The following CLVS1 variants were observed in gnomAD, a reference collection of about 807,000 sequenced individuals.
CLVS1 encodes the protein clavesin 1.
In CLVS1, 10 loss-of-function variants were observed where a neutral mutation model predicts 33.1. The observed-to-expected ratio is 0.30, with a 90% confidence interval of 0.19 to 0.51. The LOEUF (loss-of-function observed/expected upper bound fraction) is 0.51, where lower values mean the gene tolerates loss of function less well. CLVS1 is among the 20% of genes least tolerant of loss of function. CLVS1 has a pLI of 0.97. For synonymous variants in CLVS1, 163 were observed against 166.1 expected, an observed-to-expected ratio of 0.98 and a Z score of 0.14; for missense variants, 343 against 433.4, an observed-to-expected ratio of 0.79 and a Z score of 1.85.
chr8:61,288,012 C>T lies in CLVS1; in HGVS notation c.-278C>T, dbSNP rs1053845703. Reference sequence around the variant, plus strand: ...CAGCCCCTTGTGGAGCCCGAGCTCTCATTCACAGCTTTCTAGAGAAATCTG... The same window carrying T: ...CAGCCCCTTGTGGAGCCCGAGCTCTTATTCACAGCTTTCTAGAGAAATCTG... On this transcript the variant is annotated 5_prime_UTR_variant, in exon 1 of 6. Transcript: ENST00000325897. 7 of 429,566 alleles carry T rather than the reference C, an allele frequency of 1.6e-5. No homozygotes were observed. The highest frequency in any genetic ancestry group is 2.8e-5 in the Non-Finnish European group (6 of 213,600). The allele number at this position is 429,566 out of a possible 1,614,324, so 26.6% of individuals were successfully genotyped here. A position where few individuals can be genotyped will look rare whatever the true frequency, so the allele number is the denominator to read the frequency against.
In CLVS1 at chr8:61,300,289, G is replaced by T. The variant is rs759899526; in HGVS notation, c.455+7G>T. Reference sequence around the variant, plus strand: ...CCAATTGGGATCAGAGTAGGTAAATGTAGATAGTGTCTTTACTTGGTTTTT... The same window carrying T: ...CCAATTGGGATCAGAGTAGGTAAATTTAGATAGTGTCTTTACTTGGTTTTT... On this transcript the variant is annotated splice_region_variant and intron_variant, in intron 2 of 5. Coordinates refer to ENST00000325897, the MANE Select transcript of CLVS1 (RefSeq NM_173519.3). 6 of 1,603,414 alleles carry T rather than the reference G, an allele frequency of 3.7e-6. No individual in the cohort carries two copies. In the South Asian group the frequency reaches 6.7e-5, roughly 18 times the overall value.
At chr8:61,107,758 A>G (rs1314662406) in intron 1 of CLVS1, among the ~76,000 whole-genome samples, 1 of 152,244 alleles carries the variant, frequency 6.6e-6, no homozygotes. Flanking sequence ...GAATTGAACT[A>G]AAATGTCACC....
In CLVS1 at chr8:61,377,883, A is replaced by G. The variant is rs193087218; in HGVS notation, c.630+1104A>G. On this transcript the variant is annotated intron_variant, in intron 3 of 5. Transcript: ENST00000325897. ...GTCCACATTGTTCCAGGGATGCCAC[A>G]TTGTCCTGGGTAGTGTATTTGGGGG... 5.1e-5 allele frequency: 5 copies of G among 98,906 alleles called. No homozygotes were observed. In the East Asian group the frequency reaches 1.5e-3, roughly 29 times the overall value. 6.1% of individuals were successfully genotyped at this position (98,906 alleles called of 1,614,324 possible).
chr8:61,288,960 G>A (rs928948727), intron 1 of CLVS1, among the ~76,000 whole-genome samples: 3 of 152,212 alleles, frequency 2.0e-5, no homozygotes, highest in Non-Finnish European at 2.9e-5. Context: ...TGTAACTTAA[G>A]AAAGGGGGCT....
chr8:61,287,480 T>A (rs531138125), upstream of CLVS1, among the ~76,000 whole-genome samples: 1 of 152,330 alleles, frequency 6.6e-6, no homozygotes, highest in African/African-American at 2.4e-5. Context: ...AACTTACCGA[T>A]CTTTTTCTTT....
chr8:61,055,392 AT>A (rs1804458935), upstream of CLVS1, among the ~76,000 whole-genome samples: 1 of 152,196 alleles, frequency 6.6e-6, no homozygotes, highest in Non-Finnish European at 1.5e-5. Flanking sequence ...TGTTTAGCCT[AT>A]TTTTAATTTA....
chr8:61,324,549 A>C (rs1296658382), intron 2 of CLVS1, among the ~76,000 whole-genome samples: 1 of 152,116 alleles, frequency 6.6e-6, no homozygotes, highest in Admixed American at 6.6e-5. Context: ...AAAAGATACC[A>C]AAAAATGTGG....
At chr8:61,477,703 G>A (rs934686171) in intron 5 of CLVS1, among the ~76,000 whole-genome samples, 4 of 151,964 alleles carry the variant, frequency 2.6e-5, no homozygotes, top group Non-Finnish European at 4.4e-5. Context: ...TTCTTTATTA[G>A]TCTTGCTAGT....
At position 61,455,368 on chromosome 8, in the gene CLVS1, C is replaced by G. The variant is rs141230667; in HGVS notation, c.741+1117C>G. On this transcript the variant is annotated intron_variant, in intron 4 of 5. Coordinates refer to ENST00000325897, the MANE Select transcript of CLVS1 (RefSeq NM_173519.3). Reference sequence around the variant, plus strand: ...TTTTCCAGTGTCTCTCCATTTCCCCCTACTCTCAGCTCCTGGCAACCACCC... The same window carrying G: ...TTTTCCAGTGTCTCTCCATTTCCCCGTACTCTCAGCTCCTGGCAACCACCC... Among the ~76,000 whole-genome samples the G allele has an allele frequency of 8.8e-3, 1,333 of 152,228 alleles. 13 individuals carry two copies. Among genetic ancestry groups the G allele is most frequent in the South Asian group, 0.039 (189 of 4,818 alleles).
chr8:61,290,860 G>A (rs367805950), intron 1 of CLVS1, among the ~76,000 whole-genome samples: 5 of 152,232 alleles, frequency 3.3e-5, no homozygotes, highest in African/African-American at 4.8e-5. Flanking sequence ...CCCAAATATT[G>A]CTTGTTTTGA....
At chr8:61,262,542 T>C (rs1262535976) in intron 2 of CLVS1, among the ~76,000 whole-genome samples, 1 of 152,092 alleles carries the variant, frequency 6.6e-6, no homozygotes, top group Non-Finnish European at 1.5e-5. Flanking sequence ...CTGATAAGAA[T>C]TGAGAAGGTT....
At chr8:61,192,953 A>C (rs1479039580) in intron 2 of CLVS1, among the ~76,000 whole-genome samples, 1 of 152,210 alleles carries the variant, frequency 6.6e-6, no homozygotes, top group African/African-American at 2.4e-5. Context: ...ATTGTGGAAG[A>C]CAGTGTGGCA....
chr8:61,349,312 T>G (rs1176928443), intron 2 of CLVS1, among the ~76,000 whole-genome samples: 1 of 152,266 alleles, frequency 6.6e-6, no homozygotes, highest in African/African-American at 2.4e-5. Context: ...ATGGAGCTTT[T>G]CCCCTATAAT....
At chr8:61,228,310 G>C (rs1032405344) in intron 2 of CLVS1, among the ~76,000 whole-genome samples, 1 of 152,074 alleles carries the variant, frequency 6.6e-6, no homozygotes, top group Admixed American at 6.5e-5. Flanking sequence ...TATCATTTTT[G>C]TGTGTGTTGA....
chr8:61,269,387 G>T (rs1809383698), intron 2 of CLVS1, among the ~76,000 whole-genome samples: 1 of 152,060 alleles, frequency 6.6e-6, no homozygotes, highest in African/African-American at 2.4e-5. Flanking sequence ...TCTCTATTTT[G>T]GTACCAGTAC....
intron 1 of CLVS1, among the ~76,000 whole-genome samples, chr8:61,095,874 G>T (rs1040366663): frequency 3.9e-5 from 6 of 152,158 alleles, no homozygotes; most frequent in Non-Finnish European, 7.3e-5. Context: ...TGCAGATACA[G>T]TTCATAGCAT....
At chr8:61,303,582 G>A (rs1029639788) in intron 2 of CLVS1, among the ~76,000 whole-genome samples, 1 of 152,152 alleles carries the variant, frequency 6.6e-6, no homozygotes, top group South Asian at 2.1e-4. Context: ...ATTTGTCCCA[G>A]ACCATTATGG....
intron 1 of CLVS1, among the ~76,000 whole-genome samples, chr8:61,088,723 A>C (rs1805173068): frequency 6.6e-6 from 1 of 151,648 alleles, no homozygotes; most frequent in Non-Finnish European, 1.5e-5. Flanking sequence ...CTGCCCCTCC[A>C]TCCCATTTTA....
intron 2 of CLVS1, among the ~76,000 whole-genome samples, chr8:61,190,239 A>G (rs139009147): frequency 2.0e-5 from 3 of 152,358 alleles, no homozygotes; most frequent in East Asian, 1.9e-4. Flanking sequence ...CTGCTCAACT[A>G]CATGGAAACT....
Sources: allele counts gnomAD v4.1 joint callset (sites outside exome capture counted in the v4.1 genomes callset), GRCh38; gene constraint gnomAD v4.1.1; transcripts MANE v1.5; gene names NCBI Gene and HGNC (gene_info 2026-07-23, HGNC 2026-07-21).